SORCS3: variants seen among roughly 807,000 people sequenced by gnomAD.
SORCS3 encodes VPS10 domain-containing receptor SorCS3.
Under a neutral mutation model 146.3 loss-of-function variants are expected in SORCS3, and 57 were observed. That is an observed-to-expected ratio of 0.39 (90% CI 0.31 to 0.49). SORCS3 has a LOEUF of 0.49. Ranked by LOEUF, SORCS3 falls within the 20% of genes least tolerant of loss-of-function variation. SORCS3 has a pLI of 0.92. For missense variants in SORCS3, 1,341 were observed against 1,575.5 expected (o/e 0.85, Z 2.52); for synonymous variants, 653 against 618.5 (o/e 1.06, Z -0.83).
At chr10:104,854,504 A>G (rs770928568) in intron 2 of SORCS3, among the ~76,000 whole-genome samples, 41 of 152,208 alleles carry the variant, frequency 2.7e-4, no homozygotes, top group Non-Finnish European at 4.4e-4. Context: ...CAAAGCTACA[A>G]TATAATATCT....
chr10:104,885,388 A>G (rs2018672427), intron 2 of SORCS3, among the ~76,000 whole-genome samples: 1 of 152,208 alleles, frequency 6.6e-6, no homozygotes. Context: ...AGTGAGCAAG[A>G]CACACTTTTA....
In SORCS3 at chr10:104,991,563, G is replaced by A. The variant is rs146072547; in HGVS notation, c.954+14070G>A. Among the ~76,000 whole-genome samples the A allele has an allele frequency of 6.5e-4, 97 of 148,856 alleles. 1 individual carries two copies. Among genetic ancestry groups the A allele is most frequent in the African/African-American group, 2.1e-3 (86 of 40,188 alleles). The stretch of plus-strand genomic sequence containing the variant: ...GTTGCCCAGGCTGGAGTGCAGTGGT[G>A]CGATCTTGGCTCACTGCAACCTCTG... On this transcript the variant is annotated intron_variant, in intron 4 of 26. Coordinates refer to ENST00000369701, the MANE Select transcript of SORCS3 (RefSeq NM_014978.3).
intron 13 of SORCS3, among the ~76,000 whole-genome samples, chr10:105,175,679 A>G (rs1337555935): frequency 2.0e-5 from 3 of 152,248 alleles, no homozygotes; most frequent in Non-Finnish European, 2.9e-5. Flanking sequence ...CAATTTAGAT[A>G]TGCCCAACTT....
intron 1 of SORCS3, among the ~76,000 whole-genome samples, chr10:104,756,588 C>G (rs1394838143): frequency 2.6e-5 from 4 of 152,144 alleles, no homozygotes; most frequent in African/African-American, 9.7e-5. Flanking sequence ...AGCTGGGAAT[C>G]TATCAGCTGG....
At chr10:105,063,965 G>A (rs2055505241) in intron 5 of SORCS3, among the ~76,000 whole-genome samples, 1 of 152,218 alleles carries the variant, frequency 6.6e-6, no homozygotes, top group Non-Finnish European at 1.5e-5. Context: ...GCAGCTCTGA[G>A]CATGCTGCTA....
At chr10:105,197,401 A>G (rs751415550) in intron 14 of SORCS3, among the ~76,000 whole-genome samples, 2 of 152,196 alleles carry the variant, frequency 1.3e-5, no homozygotes, top group Non-Finnish European at 2.9e-5. Context: ...ATTTAAGCAG[A>G]TTCATACTTC....
intron 1 of SORCS3, among the ~76,000 whole-genome samples, chr10:104,707,102 T>C (rs189333340): frequency 6.6e-6 from 1 of 152,222 alleles, no homozygotes; most frequent in East Asian, 1.9e-4. Context: ...GAAGGAGCAG[T>C]GGGAATTGAG....
At chr10:105,111,066 C>G (rs2055856024) in intron 7 of SORCS3, among the ~76,000 whole-genome samples, 4 of 152,192 alleles carry the variant, frequency 2.6e-5, no homozygotes, top group Admixed American at 2.6e-4. Context: ...CCCACCACTG[C>G]TCTTCACATT....
At chr10:104,870,220 C>A (rs940131885) in intron 2 of SORCS3, among the ~76,000 whole-genome samples, 1 of 152,108 alleles carries the variant, frequency 6.6e-6, no homozygotes, top group Non-Finnish European at 1.5e-5. Context: ...ATTAATATTT[C>A]TTTCTTTCAT....
chr10:104,953,794 T>C (rs2019458904), intron 3 of SORCS3, among the ~76,000 whole-genome samples: 2 of 152,136 alleles, frequency 1.3e-5, no homozygotes, highest in Admixed American at 6.5e-5. Flanking sequence ...ATGCCAGAGA[T>C]AAAAAAGATA....
At chr10:104,963,820 T>G (rs1420341134) in intron 3 of SORCS3, among the ~76,000 whole-genome samples, 1 of 152,174 alleles carries the variant, frequency 6.6e-6, no homozygotes, top group Non-Finnish European at 1.5e-5. Flanking sequence ...AGGCCCCAAA[T>G]CTATCAGATA....
At chr10:105,142,778 G>A (rs1007595863) in intron 8 of SORCS3, among the ~76,000 whole-genome samples, 3 of 151,934 alleles carry the variant, frequency 2.0e-5, no homozygotes, top group African/African-American at 2.4e-5. Context: ...ATTGCAAGTC[G>A]TTTCAAATAA....
chr10:104,771,611 C>T (rs1422618375), intron 1 of SORCS3, among the ~76,000 whole-genome samples: 1 of 152,168 alleles, frequency 6.6e-6, no homozygotes, highest in Non-Finnish European at 1.5e-5. Flanking sequence ...GATGTTTGCA[C>T]AGGCATGGCC....
intron 4 of SORCS3, among the ~76,000 whole-genome samples, chr10:104,989,188 G>A (rs1280105254): frequency 1.3e-5 from 2 of 152,154 alleles, no homozygotes; most frequent in South Asian, 2.1e-4. Context: ...TTAATTAAAC[G>A]GAGTTTGTGC....
chr10:104,938,147 G>A (rs1005981579), intron 3 of SORCS3, among the ~76,000 whole-genome samples: 5 of 152,066 alleles, frequency 3.3e-5, no homozygotes, highest in Non-Finnish European at 7.3e-5. Context: ...TTTTTGACTG[G>A]GAAAGAAATA....
chr10:105,213,605 A>G (rs1373091551), intron 17 of SORCS3, among the ~76,000 whole-genome samples: 1 of 152,168 alleles, frequency 6.6e-6, no homozygotes, highest in African/African-American at 2.4e-5. Context: ...TATGCCCATC[A>G]TGCAGATCAG....
chr10:105,076,792 T>A (rs2055592079), intron 5 of SORCS3, among the ~76,000 whole-genome samples: 1 of 152,220 alleles, frequency 6.6e-6, no homozygotes, highest in South Asian at 2.1e-4. Context: ...ACAGTAGGTA[T>A]TCAGTAGGTA....
At chr10:104,957,842 T>C (rs1342360619) in intron 3 of SORCS3, among the ~76,000 whole-genome samples, 2 of 152,140 alleles carry the variant, frequency 1.3e-5, no homozygotes, top group Admixed American at 6.6e-5. Flanking sequence ...ATTGCTACCT[T>C]GGTCCCCTCC....
chr10:104,700,695 C>T (rs1040006090), intron 1 of SORCS3, among the ~76,000 whole-genome samples: 1 of 152,038 alleles, frequency 6.6e-6, no homozygotes, highest in African/African-American at 2.4e-5. Context: ...AAAGTGATAC[C>T]AACTGATGCT....
Sources: gnomAD v4.1 joint callset for allele counts (sites outside exome capture counted in the v4.1 genomes callset) on GRCh38, gnomAD v4.1.1 for gene constraint, MANE v1.5 for transcripts, NCBI Gene and HGNC (gene_info 2026-07-23, HGNC 2026-07-21) for gene names.